Variants in VPS13B observed in about 807,000 individuals in gnomAD.
The protein encoded by VPS13B is vacuolar protein sorting 13 homolog B.
In VPS13B, 285 loss-of-function variants were observed where a neutral mutation model predicts 426.4. The ratio of observed to expected loss-of-function variants is 0.67; its 90% CI spans 0.61 to 0.74. The LOEUF (loss-of-function observed/expected upper bound fraction) is 0.74, where lower values mean the gene tolerates loss of function less well. Ranked by LOEUF, VPS13B falls within the 30% of genes least tolerant of loss-of-function variation. The probability of loss-of-function intolerance (pLI) is 0.00; values close to 1 mark genes in which losing one functional copy is unlikely to be tolerated. For missense variants in VPS13B, 4,537 were observed against 4,782.6 expected (o/e 0.95, Z 1.51); for synonymous variants, 1,676 against 1,676.4 (o/e 1.00, Z 0.01).
intron 33 of VPS13B, among the ~76,000 whole-genome samples, chr8:99,587,456 C>G (rs1400984939): frequency 2.6e-5 from 4 of 151,708 alleles, no homozygotes; most frequent in Non-Finnish European, 5.9e-5. Flanking sequence ...AAAAGTGTTC[C>G]TATTTCTCCA....
chr8:99,730,756 C>CAGGTACCTCCTGAAAGGTACCTGT (rs1833565124), intron 39 of VPS13B, among the ~76,000 whole-genome samples: 3 of 149,892 alleles, frequency 2.0e-5, no homozygotes, highest in Non-Finnish European at 4.5e-5. Context: ...CCTGTAGGTA[C>CAGGTACCTCCTGAAAGGTACCTGT]AGGTACAGGT....
At chr8:99,868,797 G>A (rs952470611) in intron 59 of VPS13B, among the ~76,000 whole-genome samples, 2 of 152,218 alleles carry the variant, frequency 1.3e-5, no homozygotes, top group African/African-American at 4.8e-5. Flanking sequence ...GATAAATGTG[G>A]AAGGAGAGAG....
At chr8:99,703,733 G>T (rs997052827) in intron 36 of VPS13B, among the ~76,000 whole-genome samples, 1 of 152,060 alleles carries the variant, frequency 6.6e-6, no homozygotes, top group Admixed American at 6.6e-5. Context: ...TATAAATTGC[G>T]AACTTGCAGT....
At chr8:99,089,037 G>A (rs981365341) in intron 3 of VPS13B, among the ~76,000 whole-genome samples, 2 of 152,168 alleles carry the variant, frequency 1.3e-5, no homozygotes, top group African/African-American at 2.4e-5. Context: ...GAAAGGATAG[G>A]TTGTTAATTT....
intron 33 of VPS13B, among the ~76,000 whole-genome samples, chr8:99,581,583 G>T (rs959877037): frequency 6.6e-6 from 1 of 152,028 alleles, no homozygotes. Flanking sequence ...AGAATATTTG[G>T]TTTCTGCCTT....
chr8:99,183,308 TG>T (rs909938711), intron 16 of VPS13B, among the ~76,000 whole-genome samples: 12 of 152,204 alleles, frequency 7.9e-5, no homozygotes, highest in African/African-American at 1.2e-4. Context: ...TATAGGTTAA[TG>T]GGGTTTTTGT....
At chr8:99,439,836 C>T (rs971025264) in intron 22 of VPS13B, among the ~76,000 whole-genome samples, 1 of 151,930 alleles carries the variant, frequency 6.6e-6, no homozygotes, top group African/African-American at 2.4e-5. Context: ...AATTATAGAG[C>T]ACTAAAAGAG....
chr8:99,604,495 GTTTTTTTTTTTTT>G (rs767971168), intron 33 of VPS13B, among the ~76,000 whole-genome samples: 1 of 115,260 alleles, frequency 8.7e-6, no homozygotes, highest in South Asian at 3.0e-4. Context: ...TTTCCTTGGT[GTTTTTTTTTTTTT>G]TTTTTTTTTG....
intron 17 of VPS13B, chr8:99,234,140 G>C (rs1816510105): frequency 3.8e-6 from 3 of 784,046 alleles, no homozygotes. Flanking sequence ...GGCTCGCTGA[G>C]GGGGTAAAGG....
intron 35 of VPS13B, among the ~76,000 whole-genome samples, chr8:99,687,826 G>C (rs76599759): frequency 1.3e-5 from 2 of 151,760 alleles, no homozygotes; most frequent in South Asian, 2.1e-4. Context: ...TTTGGTTCTT[G>C]TTAAGTTCCT....
intron 5 of VPS13B, among the ~76,000 whole-genome samples, chr8:99,107,287 T>C (rs187384124): frequency 6.6e-6 from 1 of 152,202 alleles, no homozygotes; most frequent in East Asian, 1.9e-4. Flanking sequence ...ATATATAACT[T>C]CTATAAATCA....
chr8:99,248,202 A>G (rs1817321733), intron 17 of VPS13B, among the ~76,000 whole-genome samples: 1 of 152,336 alleles, frequency 6.6e-6, no homozygotes, highest in Admixed American at 6.5e-5. Flanking sequence ...GCCTGTCCCT[A>G]TAACATTGTA....
At chr8:99,356,751 C>T (rs1039542216) in intron 19 of VPS13B, among the ~76,000 whole-genome samples, 4 of 152,036 alleles carry the variant, frequency 2.6e-5, no homozygotes, top group South Asian at 2.1e-4. Flanking sequence ...TACTATCCAA[C>T]GATGGAAGTT....
At chr8:99,506,815 C>T (rs1397443521) in intron 27 of VPS13B, among the ~76,000 whole-genome samples, 1 of 152,188 alleles carries the variant, frequency 6.6e-6, no homozygotes, top group Non-Finnish European at 1.5e-5. Flanking sequence ...TATGATTGTG[C>T]CATTGCACTC....
chr8:99,633,838 T>TGTGTGC (rs758390407), intron 33 of VPS13B, among the ~76,000 whole-genome samples: 65 of 151,370 alleles, frequency 4.3e-4, no homozygotes, highest in Admixed American at 1.2e-3. Flanking sequence ...TGTGTGTGTG[T>TGTGTGC]GCGTGTTTTA....
chr8:99,868,436 C>T lies in VPS13B; in HGVS notation c.11363C>T (p.Ala3788Val). The change falls in exon 59 of 62, where the codon GCT becomes GTT. Residue 3788 changes from alanine (A) to valine (V), a missense_variant. By Grantham distance (64) the Ala-to-Val change is moderately conservative (BLOSUM62 0). Transcript: ENST00000357162. ...MGVFTKPIGG[A>V]AELVSQTGYG... Reference sequence around the variant, plus strand: ...GTGTTCACAAAGCCCATCGGAGGAGCTGCTGAGCTGGTGTCACAGACTGGC... The same window carrying T: ...GTGTTCACAAAGCCCATCGGAGGAGTTGCTGAGCTGGTGTCACAGACTGGC... The T allele has an allele frequency of 6.2e-7, 1 of 1,613,620 alleles. No homozygotes were observed. Among genetic ancestry groups the T allele is most frequent in the East Asian group, 2.2e-5 (1 of 44,876 alleles).
At chr8:99,520,514 TAG>T (rs1474825212) in intron 29 of VPS13B, among the ~76,000 whole-genome samples, 1 of 151,946 alleles carries the variant, frequency 6.6e-6, no homozygotes, top group Admixed American at 6.6e-5. Flanking sequence ...AATATATTTG[TAG>T]ACAACAATGA....
chr8:99,839,040 G>T (rs6468693), intron 54 of VPS13B, among the ~76,000 whole-genome samples: 76,815 of 152,124 alleles, frequency 0.5, 21,648 homozygotes, highest in African/African-American at 0.76. Flanking sequence ...TTTTGGTTTT[G>T]ATCTTAAGAG....
chr8:99,482,073 G>A lies in VPS13B; in HGVS notation c.3870+271G>A, dbSNP rs113808789. Among the ~76,000 whole-genome samples, 6 of 152,078 alleles carry A rather than the reference G, an allele frequency of 3.9e-5. 1 individual carries two copies. Among genetic ancestry groups the A allele is most frequent in the African/African-American group, 1.2e-4 (5 of 41,482 alleles). On this transcript the variant is annotated intron_variant, in intron 25 of 61. Transcript: ENST00000357162. ...AGACACAGTAAAGGTATGTTTCCTC[G>A]GAAGTATGGAAATGTAGAAACTGAG...
Sources: allele counts gnomAD v4.1 joint callset (sites outside exome capture counted in the v4.1 genomes callset), GRCh38; gene constraint gnomAD v4.1.1; transcripts MANE v1.5; gene names NCBI Gene and HGNC (gene_info 2026-07-23, HGNC 2026-07-21).